The following UMODL1 variants were observed in gnomAD, a reference collection of about 807,000 sequenced individuals.
UMODL1 encodes uromodulin like 1.
Under a neutral mutation model 136.3 loss-of-function variants are expected in UMODL1, and 128 were observed. That is an observed-to-expected ratio of 0.94 (90% CI 0.81 to 1.09). UMODL1 has a LOEUF of 1.09. UMODL1 is among the 50% of genes least tolerant of loss of function. UMODL1 has a pLI of 0.00. For synonymous variants in UMODL1, 721 were observed against 720.0 expected, an observed-to-expected ratio of 1.00 and a Z score of -0.02; for missense variants, 1,766 against 1,725.6, an observed-to-expected ratio of 1.02 and a Z score of -0.41.
At chr21:42,133,252 C>T (rs151128933) in intron 21 of UMODL1, among the ~76,000 whole-genome samples, 1 of 152,350 alleles carries the variant, frequency 6.6e-6, no homozygotes, top group African/African-American at 2.4e-5. Flanking sequence ...AGGACCTCAC[C>T]GCTATCCGCG....
At chr21:42,074,477 C>T (rs952124712) in intron 1 of UMODL1, among the ~76,000 whole-genome samples, 3 of 152,138 alleles carry the variant, frequency 2.0e-5, no homozygotes, top group African/African-American at 7.2e-5. Flanking sequence ...GTAGGGGCTC[C>T]CGGGGAGATG....
upstream of UMODL1, among the ~76,000 whole-genome samples, chr21:42,067,203 A>G (rs920292175): frequency 2.0e-5 from 3 of 152,022 alleles, no homozygotes; most frequent in African/African-American, 7.2e-5. Flanking sequence ...TGAACTCCTG[A>G]CTTCGTGATC....
intron 22 of UMODL1, among the ~76,000 whole-genome samples, chr21:42,138,254 G>T (rs2067235250): frequency 6.6e-6 from 1 of 152,212 alleles, no homozygotes; most frequent in African/African-American, 2.4e-5. Flanking sequence ...CCGCTATGGG[G>T]TCTGACGCCC....
intron 22 of UMODL1, among the ~76,000 whole-genome samples, chr21:42,140,784 G>C (rs1312649929): frequency 2.0e-5 from 3 of 152,136 alleles, no homozygotes; most frequent in African/African-American, 7.2e-5. Context: ...TTGTGGTCTG[G>C]GTCCTCAGCC....
At chr21:42,133,963 G>A (rs1241630330) in intron 21 of UMODL1, among the ~76,000 whole-genome samples, 3 of 152,164 alleles carry the variant, frequency 2.0e-5, no homozygotes, top group African/African-American at 7.2e-5. Context: ...CTATTGCCAG[G>A]CTGGAGTGCA....
At chr21:42,068,624 C>T (rs150300773), upstream of UMODL1, among the ~76,000 whole-genome samples, 147 of 152,230 alleles carry the variant, frequency 9.7e-4, no homozygotes, top group African/African-American at 3.1e-3. This position sits in a 1 kb window ranked among gnomAD's most constrained non-coding sequence, Gnocchi z 5.5. Context: ...TGCACCTGCC[C>T]GGCAGCCGTT....
intron 5 of UMODL1, 138 bp downstream of exon 5, chr21:42,088,618 G>A: frequency 1.1e-6 from 1 of 918,084 alleles, no homozygotes; most frequent in Non-Finnish European, 1.6e-6. Context: ...AAGAATAACT[G>A]GTTCAAGTGT....
In UMODL1 at chr21:42,076,005, A is replaced by T; in HGVS notation, c.77A>T (p.Glu26Val). The change falls in exon 2 of 23, where the codon GAA becomes GTA. Residue 26 changes from glutamate (E) to valine (V), a missense_variant and splice_region_variant. Transcript: ENST00000408910. ...CGCCTTCTTGCTTGGCCTCTTTCAGAAAAAGGCCTCTCCCTGTTGGGCTAC... is the reference window on the plus strand; with the variant it reads ...CGCCTTCTTGCTTGGCCTCTTTCAGTAAAAGGCCTCTCCCTGTTGGGCTAC... ...VGPSQASGFTEKGLSLLGYQL... is the reference protein window; with the variant it reads ...VGPSQASGFTVKGLSLLGYQL... The T allele has an allele frequency of 1.2e-6, 2 of 1,612,826 alleles. No individual in the cohort carries two copies. Among genetic ancestry groups the T allele is most frequent in the Non-Finnish European group, 1.7e-6 (2 of 1,178,880 alleles).
At chr21:42,113,985 G>A (rs960778293) in intron 13 of UMODL1, among the ~76,000 whole-genome samples, 155 bp downstream of exon 13, 1 of 152,256 alleles carries the variant, frequency 6.6e-6, no homozygotes. Flanking sequence ...CAGCAGGCGT[G>A]CAATGACGGC....
In UMODL1 at chr21:42,065,066, G is replaced by A. The variant is rs1018310237; in HGVS notation, c.-141+1852G>A. Among the ~76,000 whole-genome samples, 17 of 152,172 alleles carry A rather than the reference G, an allele frequency of 1.1e-4. 1 individual carries two copies. Among genetic ancestry groups the A allele is most frequent in the African/African-American group, 2.4e-5 (1 of 41,430 alleles). ...CTTAAACATTAAAGCCTGATTCGAG[G>A]TAGAGGCAACTCACTGTTGTGATGT... On this transcript the variant is annotated intron_variant, in intron 1 of 22. Coordinates refer to the UMODL1 transcript ENST00000400424.
rs138492942 is a variant in UMODL1 at position 42,099,490 on chromosome 21, C to T, written c.1186+310C>T. 4.1e-3 allele frequency among the ~76,000 whole-genome samples: 626 copies of T among 152,214 alleles called. 3 individuals carry two copies. Among genetic ancestry groups the T allele is most frequent in the African/African-American group, 0.014 (591 of 41,534 alleles). On this transcript the variant is annotated intron_variant, in intron 7 of 22. Transcript: ENST00000408910. This position sits in a 1 kb window ranked among gnomAD's most constrained non-coding sequence, Gnocchi z 4.1. ...CATCAGCTAGGGTGAAGCAAAGGAA[C>T]AAAATAATAATAATAAAGCAGAAGG...
At position 42,104,025 on chromosome 21, in the gene UMODL1, T is replaced by A. The variant is rs1455313616; in HGVS notation, c.1457T>A (p.Ile486Lys). ...ATGGGCATCTCCACGCTGGCCCCCA[T>A]ACTCCAGCCCCTGTTGGCAAGCACA... ...FPMGISTLAP[I>K]LQPLLASTVF... The change falls in exon 9 of 23, where the codon ATA (isoleucine) becomes AAA (lysine). Residue 486 changes from isoleucine to lysine, a missense_variant. Coordinates refer to ENST00000408910, the MANE Select transcript of UMODL1 (RefSeq NM_001004416.3). 1 of 1,613,912 alleles carries A rather than the reference T, an allele frequency of 6.2e-7. No individual in the cohort carries two copies. The highest frequency in any genetic ancestry group is 8.5e-7 in the Non-Finnish European group (1 of 1,180,004).
chr21:42,088,286 C>T lies in UMODL1; in HGVS notation c.604-8C>T, dbSNP rs202069521. 22 of 1,609,282 alleles carry T rather than the reference C, an allele frequency of 1.4e-5. No homozygotes were observed. In the Middle Eastern group the frequency reaches 5.1e-4, roughly 37 times the overall value. On this transcript the variant is annotated splice_region_variant and splice_polypyrimidine_tract_variant and intron_variant, in intron 4 of 22. Transcript: ENST00000408910. ...CTGCTGTGTGACACTCTGATTCTGC[C>T]TTCACAGGTCACCAGCGCCCTGCAA...
chr21:42,099,860 T>G lies in UMODL1; in HGVS notation c.1186+680T>G, dbSNP rs1387207452. ...CACACCAGGCTAAATTTTTTATTTTTCATAAGGATGGAGTCTTGCCATGTT... is the reference window on the plus strand; with the variant it reads ...CACACCAGGCTAAATTTTTTATTTTGCATAAGGATGGAGTCTTGCCATGTT... On this transcript the variant is annotated intron_variant, in intron 7 of 22. Transcript: ENST00000408910. The surrounding 1 kb of genome is among the most constrained non-coding windows in gnomAD (Gnocchi z 4.1). 6.6e-6 allele frequency among the ~76,000 whole-genome samples: 1 copy of G among 152,176 alleles called. No homozygotes were observed. Among genetic ancestry groups the G allele is most frequent in the African/African-American group, 2.4e-5 (1 of 41,438 alleles).
rs777380032 is a variant in UMODL1, at chr21:42,076,222, A to T, written c.294A>T (p.Glu98Asp). 211 of 1,614,070 alleles carry T rather than the reference A, an allele frequency of 1.3e-4. No homozygotes were observed. The highest frequency in any genetic ancestry group is 1.7e-4 in the Non-Finnish European group (204 of 1,180,042). The change falls in exon 2 of 23, where the codon GAA becomes GAT. Residue 98 changes from glutamate (E) to aspartate (D), a missense_variant. Coordinates refer to ENST00000408910, the MANE Select transcript of UMODL1 (RefSeq NM_001004416.3). ...TGACTGACTGCTGTGAGGGCTATGA[A>T]CAGCTCGGCCTCTACTGTGTCTTGC... is the stretch of plus-strand genomic sequence containing the variant. ...RNVTDCCEGY[E>D]QLGLYCVLPL...
At chr21:42,104,885 G>C (rs554444573) in intron 9 of UMODL1, among the ~76,000 whole-genome samples, 1 of 152,336 alleles carries the variant, frequency 6.6e-6, no homozygotes, top group Admixed American at 6.5e-5. Flanking sequence ...CGGAGACCAG[G>C]TTCTTGCTGT....
chr21:42,133,983 T>A (rs1199509110), intron 21 of UMODL1, among the ~76,000 whole-genome samples: 1 of 152,240 alleles, frequency 6.6e-6, no homozygotes, highest in East Asian at 1.9e-4. Context: ...AGTGGCATGA[T>A]CTCGGCTCAC....
intron 1 of UMODL1, among the ~76,000 whole-genome samples, chr21:42,075,310 C>T (rs891032531): frequency 2.6e-5 from 4 of 151,952 alleles, no homozygotes; most frequent in Non-Finnish European, 2.9e-5. Flanking sequence ...CCACCTGCCT[C>T]GGCCTCCCAA....
rs772862563 is a variant in UMODL1 at position 42,126,508 on chromosome 21, C to T, written c.3293+18C>T. On this transcript the variant is annotated intron_variant, in intron 18 of 22. Coordinates refer to ENST00000408910, the MANE Select transcript of UMODL1 (RefSeq NM_001004416.3). ...GAGTGGGGGTAAGGGAGAAATGCCC[C>T]GGCTGCCCCACAGCCACGTGCCTCC... The T allele has an allele frequency of 1.1e-5, 18 of 1,614,090 alleles. No homozygotes were observed. The highest frequency in any genetic ancestry group is 1.4e-5 in the Non-Finnish European group (16 of 1,179,982).
Sources: allele counts gnomAD v4.1 joint callset (sites outside exome capture counted in the v4.1 genomes callset), GRCh38; gene constraint gnomAD v4.1.1; non-coding constraint Gnocchi (gnomAD v3.1); transcripts MANE v1.5; gene names NCBI Gene and HGNC (gene_info 2026-07-23, HGNC 2026-07-21).